Variants in LRP11 observed in about 807,000 individuals in gnomAD.
LRP11 encodes low-density lipoprotein receptor-related protein 11.
LRP11 carries 25 observed loss-of-function variants against 43.1 expected under a neutral mutation model. The observed-to-expected ratio is 0.58, with a 90% CI of 0.42 to 0.81. LRP11 has a LOEUF of 0.81. Among genes scored for constraint, LRP11 ranks in the 30% least tolerant of loss-of-function variants. The pLI is 0.00. For missense variants in LRP11, 623 were observed against 665.1 expected (o/e 0.94, Z 0.70); for synonymous variants, 316 against 299.4 (o/e 1.06, Z -0.57).
chr6:149,860,456 C>T (rs80300077), intron 1 of LRP11, among the ~76,000 whole-genome samples: 6,871 of 152,036 alleles, frequency 0.045, 354 homozygotes, highest in South Asian at 0.12. Context: ...CATCCAGTCC[C>T]CCAACCCTCT....
rs762152131 is a variant in LRP11 at position 149,822,867 on chromosome 6, T to C, written c.1349-2164A>G. On this transcript the variant is annotated intron_variant, in intron 6 of 6. Transcript: ENST00000239367. Reference sequence around the variant, plus strand: ...AAGTTTATTTTTTGACATTTTCAGATTGAGATGCCTATCAGCGATCAGGTG... The same window carrying C: ...AAGTTTATTTTTTGACATTTTCAGACTGAGATGCCTATCAGCGATCAGGTG... Among the ~76,000 whole-genome samples the C allele has an allele frequency of 2.2e-4, 33 of 152,148 alleles. 1 individual carries two copies. Among genetic ancestry groups the C allele is most frequent in the Admixed American group, 4.6e-4 (7 of 15,262 alleles).
At position 149,863,401 on chromosome 6, in the gene LRP11, C is replaced by G. The variant is rs774509201; in HGVS notation, c.613+7G>C. The G allele has an allele frequency of 4.5e-5, 61 of 1,343,862 alleles. No individual in the cohort carries two copies. The African/African-American group carries it at 7.1e-4, about 16-fold the overall frequency. The allele number at this position is 1,343,862 out of a possible 1,614,324, so 83.2% of individuals were successfully genotyped here. On this transcript the variant is annotated splice_region_variant and intron_variant, in intron 1 of 6. Coordinates refer to ENST00000239367, the MANE Select transcript of LRP11 (RefSeq NM_032832.6). Reference sequence around the variant, plus strand: ...GGCCAAGGCCGGCCCCTCAGTCGCGCGCTTACCCTGCCGGGGCGAGGCGCG... The same window carrying G: ...GGCCAAGGCCGGCCCCTCAGTCGCGGGCTTACCCTGCCGGGGCGAGGCGCG...
intron 1 of LRP11, among the ~76,000 whole-genome samples, chr6:149,859,396 A>ATATATATATATTTTTT: frequency 4.2e-5 from 3 of 71,496 alleles, no homozygotes; most frequent in African/African-American, 2.5e-4. Context: ...ATATATATAT[A>ATATATATATATTTTTT]TTTTTTTTTT....
chr6:149,827,488 C>T lies in LRP11; in HGVS notation c.1253-1129G>A, dbSNP rs998073532. Among the ~76,000 whole-genome samples the T allele has an allele frequency of 2.0e-5, 3 of 152,204 alleles. No individual in the cohort carries two copies. Among genetic ancestry groups the T allele is most frequent in the African/African-American group, 7.2e-5 (3 of 41,456 alleles). On this transcript the variant is annotated intron_variant, in intron 5 of 6. Coordinates refer to ENST00000239367, the MANE Select transcript of LRP11 (RefSeq NM_032832.6). The surrounding 1 kb of genome is among the most constrained non-coding windows in gnomAD (Gnocchi z 4.2). Reference sequence around the variant, plus strand: ...GTTGGCCAGGTGCACTGGCTCATGCCTATAATCCTGGCACTTTGGGGACAG... The same window carrying T: ...GTTGGCCAGGTGCACTGGCTCATGCTTATAATCCTGGCACTTTGGGGACAG...
chr6:149,827,867 CA>C lies in LRP11; in HGVS notation c.1253-1509del, dbSNP rs1271649045. On this transcript the variant is annotated intron_variant, in intron 5 of 6. Coordinates refer to ENST00000239367, the MANE Select transcript of LRP11 (RefSeq NM_032832.6). The surrounding 1 kb of genome is among the most constrained non-coding windows in gnomAD (Gnocchi z 4.2). ...CAAAACCCTGTCTCTACTTAAAATA[CA>C]AAAAAAATTAGCCAGGCATGGTGGG... Among the ~76,000 whole-genome samples, 4 of 151,886 alleles carry C rather than the reference CA, an allele frequency of 2.6e-5. No homozygotes were observed. Among genetic ancestry groups the C allele is most frequent in the East Asian group, 1.9e-4 (1 of 5,170 alleles).
At chr6:149,861,786 C>T (rs1414474220) in intron 1 of LRP11, among the ~76,000 whole-genome samples, 1 of 152,146 alleles carries the variant, frequency 6.6e-6, no homozygotes, top group Non-Finnish European at 1.5e-5. Context: ...CTCCCAAAGT[C>T]CTGGGGTTAG....
rs972734210 is a variant in LRP11, at chr6:149,827,313, C to A, written c.1253-954G>T. Among the ~76,000 whole-genome samples, 3 of 152,166 alleles carry A rather than the reference C, an allele frequency of 2.0e-5. No individual in the cohort carries two copies. The highest frequency in any genetic ancestry group is 7.2e-5 in the African/African-American group (3 of 41,428). ...CAATGAATTAGAAATAATCTACTGA[C>A]AAATTTTATTGAGAAAATTTTTAAA... is the stretch of plus-strand genomic sequence containing the variant. On this transcript the variant is annotated intron_variant, in intron 5 of 6. Coordinates refer to ENST00000239367, the MANE Select transcript of LRP11 (RefSeq NM_032832.6). This position sits in a 1 kb window ranked among gnomAD's most constrained non-coding sequence, Gnocchi z 4.2.
At chr6:149,828,466 T>C (rs934670973) in intron 5 of LRP11, among the ~76,000 whole-genome samples, 2 of 151,160 alleles carry the variant, frequency 1.3e-5, no homozygotes, top group Admixed American at 6.6e-5. Flanking sequence ...TTGATATCCA[T>C]ATTGAAAATA....
At chr6:149,854,038 G>T (rs185432639) in intron 1 of LRP11, among the ~76,000 whole-genome samples, 1 of 152,118 alleles carries the variant, frequency 6.6e-6, no homozygotes, top group Non-Finnish European at 1.5e-5. Flanking sequence ...AATTGAAGAC[G>T]TTCACCGTTT....
intron 1 of LRP11, among the ~76,000 whole-genome samples, chr6:149,855,079 A>T (rs1451475030): frequency 6.6e-6 from 1 of 152,180 alleles, no homozygotes; most frequent in Non-Finnish European, 1.5e-5. Context: ...GGTTCCCTCA[A>T]TGCCCAGCAC....
intron 6 of LRP11, among the ~76,000 whole-genome samples, chr6:149,822,955 G>C (rs1776295108): frequency 6.6e-6 from 1 of 152,130 alleles, no homozygotes; most frequent in African/African-American, 2.4e-5. Context: ...TAGCATAAAG[G>C]TGGTAGCTGC....
Position 149,864,307 on chromosome 6 carries a change from G to A in LRP11, c.-287C>T, listed in dbSNP as rs893409939. 1.1e-5 allele frequency: 11 copies of A among 1,036,394 alleles called. No homozygotes were observed. The highest frequency in any genetic ancestry group is 3.4e-5 in the African/African-American group (2 of 58,588). 64.2% of individuals were successfully genotyped at this position (1,036,394 alleles called of 1,614,324 possible). A position where few individuals can be genotyped will look rare whatever the true frequency, so the allele number is the denominator to read the frequency against. On this transcript the variant is annotated 5_prime_UTR_variant, in exon 1 of 7. Transcript: ENST00000239367. ...CTCCGCCCCGGCCTGCGGCGCGCTGGGTGGCGACGAGTCGGCCTCGGCGTT... is the reference window on the plus strand; with the variant it reads ...CTCCGCCCCGGCCTGCGGCGCGCTGAGTGGCGACGAGTCGGCCTCGGCGTT...
At chr6:149,832,652 G>A (rs538589243) in intron 5 of LRP11, among the ~76,000 whole-genome samples, 19 of 135,260 alleles carry the variant, frequency 1.4e-4, no homozygotes, top group Admixed American at 3.9e-4. Context: ...ATGGAGTCTC[G>A]CTCTGTTGCT....
At chr6:149,863,352 G>T in intron 1 of LRP11, 56 bp downstream of exon 1, 16 of 1,300,984 alleles carry the variant, frequency 1.2e-5, no homozygotes, top group Non-Finnish European at 1.6e-5. Flanking sequence ...ACTTGGCGAG[G>T]GCGCTGCGGG....
chr6:149,843,463 G>A (rs184813361), intron 2 of LRP11, among the ~76,000 whole-genome samples: 1 of 152,152 alleles, frequency 6.6e-6, no homozygotes, highest in Non-Finnish European at 1.5e-5. Flanking sequence ...AGAAAATCAG[G>A]ACCATGACTA....
At chr6:149,853,311 G>T in intron 1 of LRP11, 151 bp from the exon 2 acceptor site, 2 of 687,030 alleles carry the variant, frequency 2.9e-6, no homozygotes, top group Non-Finnish European at 2.2e-6. Context: ...TTTATTTTAT[G>T]ATCGTGGAAT....
chr6:149,859,397 T>TA (rs1491456220), intron 1 of LRP11, among the ~76,000 whole-genome samples: 3,073 of 72,144 alleles, frequency 0.043, 45 homozygotes, highest in African/African-American at 0.056. Context: ...TATATATATA[T>TA]TTTTTTTTTT....
intron 3 of LRP11, among the ~76,000 whole-genome samples, chr6:149,839,291 G>A (rs1776514762): frequency 6.6e-6 from 1 of 152,044 alleles, no homozygotes; most frequent in African/African-American, 2.4e-5. Context: ...GATCCAGGAG[G>A]AAGAGAAGTT....
intron 4 of LRP11, 24 bp from the exon 5 acceptor site, chr6:149,836,321 T>C: frequency 1.3e-6 from 2 of 1,595,992 alleles, no homozygotes; most frequent in Non-Finnish European, 1.7e-6. Context: ...GAGCTACTGT[T>C]AGTTGCTGGA....
Sources: allele counts gnomAD v4.1 joint callset (sites outside exome capture counted in the v4.1 genomes callset), GRCh38; gene constraint gnomAD v4.1.1; non-coding constraint Gnocchi (gnomAD v3.1); transcripts MANE v1.5; gene names NCBI Gene and HGNC (gene_info 2026-07-23, HGNC 2026-07-21).